Variants in SLC24A2 observed in about 807,000 individuals in gnomAD.
The protein encoded by SLC24A2 is sodium/potassium/calcium exchanger 2.
Under a neutral mutation model 62.0 loss-of-function variants are expected in SLC24A2, and 36 were observed. That is an observed-to-expected ratio of 0.58 (90% CI 0.44 to 0.77). SLC24A2 has a LOEUF of 0.77. Among genes scored for constraint, SLC24A2 ranks in the 30% least tolerant of loss-of-function variants. The pLI is 0.00. For missense variants in SLC24A2, 846 were observed against 817.9 expected, an observed-to-expected ratio of 1.03 and a Z score of -0.42; for synonymous variants, 358 against 294.0, an observed-to-expected ratio of 1.22 and a Z score of -2.23.
the SLC24A2 span, among the ~76,000 whole-genome samples, chr9:20,262,852 G>A: frequency 5.3e-5 from 8 of 151,984 alleles, no homozygotes; most frequent in East Asian, 1.6e-3. Flanking sequence ...TTTTTCCACT[G>A]CCATGTGTGC....
chr9:20,184,408 G>C, the SLC24A2 span, among the ~76,000 whole-genome samples: 1 of 152,002 alleles, frequency 6.6e-6, no homozygotes. Flanking sequence ...AAATTAGCCG[G>C]TATGCTGGTG....
the SLC24A2 span, among the ~76,000 whole-genome samples, chr9:20,022,920 G>A: frequency 1.3e-5 from 2 of 152,198 alleles, no homozygotes; most frequent in Non-Finnish European, 2.9e-5. Context: ...TAATGTATTT[G>A]ACTAAAGAAG....
At chr9:19,586,011 C>T (rs1342140972) in intron 5 of SLC24A2, among the ~76,000 whole-genome samples, 1 of 152,220 alleles carries the variant, frequency 6.6e-6, no homozygotes, top group Non-Finnish European at 1.5e-5. Context: ...GCATCTCCTG[C>T]ATCCTCCTGA....
chr9:20,248,125 T>TA, the SLC24A2 span, among the ~76,000 whole-genome samples: 5 of 152,324 alleles, frequency 3.3e-5, no homozygotes, highest in African/African-American at 1.2e-4. Flanking sequence ...GCCTCTGAGA[T>TA]ACAGTTTCTG....
the SLC24A2 span, among the ~76,000 whole-genome samples, chr9:20,227,366 C>T: frequency 2.6e-5 from 4 of 152,058 alleles, no homozygotes; most frequent in African/African-American, 9.7e-5. Context: ...AAGTGGTCCA[C>T]ACTTACTTGC....
intron 10 of SLC24A2, among the ~76,000 whole-genome samples, chr9:19,519,637 A>T (rs556911570): frequency 6.6e-6 from 1 of 152,318 alleles, no homozygotes; most frequent in South Asian, 2.1e-4. Flanking sequence ...GTAAGCTCTG[A>T]TGAGTTCCTG....
At chr9:20,226,247 T>A in the SLC24A2 span, among the ~76,000 whole-genome samples, 1 of 152,114 alleles carries the variant, frequency 6.6e-6, no homozygotes, top group Non-Finnish European at 1.5e-5. Context: ...AGGCTTCCCA[T>A]TTTTCTGTCA....
chr9:19,988,425 C>T, the SLC24A2 span, among the ~76,000 whole-genome samples: 3 of 152,200 alleles, frequency 2.0e-5, no homozygotes, highest in African/African-American at 7.2e-5. Context: ...CTGAACACAA[C>T]ACTTCAATAT....
chr9:19,560,518 C>T (rs554873067), intron 7 of SLC24A2, among the ~76,000 whole-genome samples: 11 of 152,314 alleles, frequency 7.2e-5, no homozygotes, highest in Non-Finnish European at 1.0e-4. Context: ...GGGAAAGCCA[C>T]GTGAAGACAT....
chr9:19,608,159 A>T (rs1426334212), intron 4 of SLC24A2, among the ~76,000 whole-genome samples: 2 of 152,200 alleles, frequency 1.3e-5, no homozygotes, highest in African/African-American at 4.8e-5. Context: ...CGGAGGCTGC[A>T]CGCAAACATC....
At chr9:19,965,702 G>T in the SLC24A2 span, among the ~76,000 whole-genome samples, 170 of 152,262 alleles carry the variant, frequency 1.1e-3, 4 homozygotes, top group East Asian at 0.031. Context: ...AGATGACCAA[G>T]AACCTATGCT....
At chr9:19,718,852 T>A (rs1438446636) in intron 2 of SLC24A2, among the ~76,000 whole-genome samples, 2 of 152,202 alleles carry the variant, frequency 1.3e-5, no homozygotes, top group African/African-American at 4.8e-5. Context: ...GTCAACTTAT[T>A]TCCCTCATGA....
At chr9:20,265,388 G>A in the SLC24A2 span, among the ~76,000 whole-genome samples, 3 of 152,188 alleles carry the variant, frequency 2.0e-5, no homozygotes, top group African/African-American at 7.2e-5. Context: ...CATAAATTGT[G>A]AAGATTTCAT....
chr9:20,072,749 G>A, the SLC24A2 span, among the ~76,000 whole-genome samples: 2 of 152,032 alleles, frequency 1.3e-5, no homozygotes, highest in Non-Finnish European at 2.9e-5. Flanking sequence ...CCCACCCTTT[G>A]AAGATAGAGA....
the SLC24A2 span, among the ~76,000 whole-genome samples, chr9:19,816,638 G>A: frequency 1.3e-5 from 2 of 152,074 alleles, no homozygotes; most frequent in South Asian, 2.1e-4. Context: ...CATCTCATCT[G>A]CTTCTTGTGA....
chr9:19,537,039 T>G (rs1306859761), intron 8 of SLC24A2, among the ~76,000 whole-genome samples: 1 of 149,494 alleles, frequency 6.7e-6, no homozygotes, highest in African/African-American at 2.5e-5. Flanking sequence ...GCCCACTTTT[T>G]GATGGGGTTG....
At chr9:19,655,468 T>A (rs1007067213) in intron 2 of SLC24A2, among the ~76,000 whole-genome samples, 2 of 152,192 alleles carry the variant, frequency 1.3e-5, no homozygotes, top group African/African-American at 4.8e-5. Context: ...AAAGGTTAAA[T>A]TATGCCTAAT....
At chr9:20,222,839 A>T in the SLC24A2 span, among the ~76,000 whole-genome samples, 1 of 152,132 alleles carries the variant, frequency 6.6e-6, no homozygotes, top group Non-Finnish European at 1.5e-5. Flanking sequence ...TTAACACCGT[A>T]AAACTACAGC....
At chr9:19,967,808 C>T in the SLC24A2 span, 1 of 152,164 alleles carries the variant, frequency 6.6e-6, no homozygotes, top group African/African-American at 2.4e-5. Flanking sequence ...CAAATGTTGC[C>T]ATCTCCTTGT....
Sources: allele counts gnomAD v4.1 joint callset (sites outside exome capture counted in the v4.1 genomes callset), GRCh38; gene constraint gnomAD v4.1.1; transcripts MANE v1.5; gene names NCBI Gene and HGNC (gene_info 2026-07-23, HGNC 2026-07-21).